ANO5: variants seen among roughly 807,000 people sequenced by gnomAD.
ANO5 encodes anoctamin 5, also known as anoctamin-5.
Under a neutral mutation model 121.0 loss-of-function variants are expected in ANO5, and 109 were observed. The ratio of observed to expected loss-of-function variants is 0.90; its 90% CI spans 0.77 to 1.06. ANO5 has a LOEUF of 1.06. ANO5 is among the 50% of genes least tolerant of loss of function. ANO5 has a pLI of 0.00. For synonymous variants in ANO5, 406 were observed against 359.9 expected (o/e 1.13, Z -1.45); for missense variants, 1,064 against 1,078.5 (o/e 0.99, Z 0.19).
chr11:22,281,095 C>T lies in ANO5; in HGVS notation c.*1330C>T. The stretch of plus-strand genomic sequence containing the variant: ...AAATATGTATAACTTTGTGTATACA[C>T]ACACACACATCTATATATATAATTA... On this transcript the variant is annotated 3_prime_UTR_variant, in exon 22 of 22. Coordinates refer to ENST00000324559, the MANE Select transcript of ANO5 (RefSeq NM_213599.3). 1 of 152,056 alleles carries T rather than the reference C, an allele frequency of 6.6e-6. No homozygotes were observed. The highest frequency in any genetic ancestry group is 1.9e-4 in the East Asian group (1 of 5,182). The allele number at this position is 152,056 out of a possible 1,614,324, so 9.4% of individuals were successfully genotyped here. A position where few individuals can be genotyped will look rare whatever the true frequency, so the allele number is the denominator to read the frequency against.
At chr11:22,227,976 A>G (rs1166366885) in intron 7 of ANO5, among the ~76,000 whole-genome samples, 3 of 152,106 alleles carry the variant, frequency 2.0e-5, no homozygotes, top group Non-Finnish European at 4.4e-5. Flanking sequence ...TGGAAATGAA[A>G]TGTTTTAATT....
At chr11:22,257,501 G>T (rs2133729958) in intron 13 of ANO5, among the ~76,000 whole-genome samples, 179 bp from the exon 14 acceptor site, 1 of 152,118 alleles carries the variant, frequency 6.6e-6, no homozygotes, top group East Asian at 1.9e-4. Context: ...CATCTAGGAG[G>T]CCTGGAGATT....
At chr11:22,239,016 A>G (rs1322718692) in intron 8 of ANO5, among the ~76,000 whole-genome samples, 2 of 152,168 alleles carry the variant, frequency 1.3e-5, no homozygotes, top group Non-Finnish European at 2.9e-5. Context: ...AATATTAGTC[A>G]GTATCTAACA....
chr11:22,272,255 G>T (rs1002504002), intron 18 of ANO5, among the ~76,000 whole-genome samples: 5 of 148,900 alleles, frequency 3.4e-5, no homozygotes, highest in East Asian at 2.0e-4. Context: ...GGAGAATAAA[G>T]ACCTTAACAA....
intron 1 of ANO5, among the ~76,000 whole-genome samples, chr11:22,197,793 C>T (rs1465681918): frequency 6.6e-6 from 1 of 152,122 alleles, no homozygotes; most frequent in African/African-American, 2.4e-5. Context: ...TGATTCTCCA[C>T]AGTGATTGGT....
chr11:22,279,872 TTTTTTTC>T lies in ANO5; in HGVS notation c.*114_*120del. The T allele has an allele frequency of 7.1e-6, 7 of 991,484 alleles. No individual in the cohort carries two copies. Among genetic ancestry groups the T allele is most frequent in the Non-Finnish European group, 1.0e-5 (7 of 680,920 alleles). 61.4% of individuals were successfully genotyped at this position (991,484 alleles called of 1,614,324 possible). ...TGTCAATTTTACCCTTTCTTTTTTT[TTTTTTTC>T]TTTTTTTTTTTAAACTCAAAGTTTT... is the stretch of plus-strand genomic sequence containing the variant. On this transcript the variant is annotated 3_prime_UTR_variant, in exon 22 of 22. Coordinates refer to ENST00000324559, the MANE Select transcript of ANO5 (RefSeq NM_213599.3).
Position 22,272,910 on chromosome 11 carries a change from C to G in ANO5, c.2156C>G (p.Thr719Ser), listed in dbSNP as rs1854676361. The G allele has an allele frequency of 6.2e-7, 1 of 1,614,064 alleles. No individual in the cohort carries two copies. Among genetic ancestry groups the G allele is most frequent in the Admixed American group, 1.7e-5 (1 of 60,004 alleles). Residue 719 changes from threonine (T) to serine (S), a missense_variant, in exon 19 of 22, where the codon ACT becomes AGT. Physicochemically the swap from Thr to Ser is moderately conservative, Grantham distance 58. Transcript: ENST00000324559. The stretch of plus-strand genomic sequence containing the variant: ...AAACTTACCACTCAATACAGGAGAA[C>G]TGTAGCTTCTAAAGCTCATAGCATA... ...AWKLTTQYRR[T>S]VASKAHSIGV... is the part of the protein sequence containing the mutation.
At chr11:22,233,941 T>C (rs1347728706) in intron 7 of ANO5, among the ~76,000 whole-genome samples, 1 of 152,144 alleles carries the variant, frequency 6.6e-6, no homozygotes, top group Non-Finnish European at 1.5e-5. Context: ...CACCGCTTGG[T>C]AGCCATTGCT....
chr11:22,218,332 C>A (rs1852532700), intron 4 of ANO5, 45 bp downstream of exon 4: 1 of 1,605,412 alleles, frequency 6.2e-7, no homozygotes, highest in Admixed American at 1.7e-5. Context: ...TGAATGGCTG[C>A]AGTGGTAGCC....
intron 8 of ANO5, among the ~76,000 whole-genome samples, chr11:22,237,394 T>A (rs776341628): frequency 6.6e-6 from 1 of 152,070 alleles, no homozygotes; most frequent in Non-Finnish European, 1.5e-5. Flanking sequence ...TTTGTTTTGT[T>A]TACTTTTGTT....
chr11:22,240,943 CA>C (rs1310547247), intron 9 of ANO5, among the ~76,000 whole-genome samples: 1 of 151,954 alleles, frequency 6.6e-6, no homozygotes, highest in African/African-American at 2.4e-5. Context: ...TAGTGGAACA[CA>C]GAATGCCTTA....
intron 9 of ANO5, among the ~76,000 whole-genome samples, chr11:22,240,927 A>G (rs923667421): frequency 6.6e-5 from 10 of 151,968 alleles, no homozygotes; most frequent in Admixed American, 3.9e-4. Context: ...TCTATCTGAT[A>G]CTATTTAGTG....
intron 9 of ANO5, among the ~76,000 whole-genome samples, chr11:22,246,321 T>C (rs77483708): frequency 0.011 from 1,648 of 152,266 alleles, 40 homozygotes; most frequent in African/African-American, 0.038. Context: ...TTTTCCACCC[T>C]ACTTTACATT....
intron 1 of ANO5, among the ~76,000 whole-genome samples, chr11:22,195,485 G>C (rs562124100): frequency 2.0e-5 from 3 of 151,874 alleles, no homozygotes; most frequent in African/African-American, 7.3e-5. Flanking sequence ...CTGTAATGCA[G>C]GGGCATCATC....
At chr11:22,244,190 T>G (rs1165208040) in intron 9 of ANO5, among the ~76,000 whole-genome samples, 1 of 152,156 alleles carries the variant, frequency 6.6e-6, no homozygotes, top group Non-Finnish European at 1.5e-5. Flanking sequence ...TATGAAATTC[T>G]TGGTTAGAAT....
chr11:22,211,264 C>G lies in ANO5; in HGVS notation c.88C>G (p.Gln30Glu), dbSNP rs747575706. Residue 30 changes from glutamine to glutamate, a missense_variant and splice_region_variant, in exon 3 of 22, where the codon CAG becomes GAG. Physicochemically the swap from Gln to Glu is conservative, Grantham distance 29 (BLOSUM62 2). Transcript: ENST00000324559. ...HIDYSFQMSE[Q>E]SLSSRETSFL... is the part of the protein sequence containing the mutation. The stretch of plus-strand genomic sequence containing the variant: ...TTATATCTTCCCCTGGTACTGTTAG[C>G]AGAGCCTGAGCAGCAGAGAGACCAG... 16 of 1,611,868 alleles carry G rather than the reference C, an allele frequency of 9.9e-6. No homozygotes were observed. The highest frequency in any genetic ancestry group is 1.4e-5 in the Non-Finnish European group (16 of 1,178,514).
chr11:22,264,863 G>A (rs1330032449), intron 17 of ANO5, among the ~76,000 whole-genome samples: 39 of 152,168 alleles, frequency 2.6e-4, no homozygotes, highest in Admixed American at 2.6e-3. Flanking sequence ...CCTGGACATG[G>A]TTGAAGAATG....
chr11:22,200,515 C>T (rs1851934463), intron 1 of ANO5, among the ~76,000 whole-genome samples: 1 of 152,106 alleles, frequency 6.6e-6, no homozygotes, highest in African/African-American at 2.4e-5. Context: ...TTATAAACTT[C>T]ATAAGCTTTA....
At position 22,280,813 on chromosome 11, in the gene ANO5, C is replaced by T. The variant is rs567873708; in HGVS notation, c.*1048C>T. On this transcript the variant is annotated 3_prime_UTR_variant, in exon 22 of 22. Transcript: ENST00000324559. Reference sequence around the variant, plus strand: ...AATGCTCAGTGCCTTGTTCCAATACCTCTGACACACAAGAAGTCATGTTGT... The same window carrying T: ...AATGCTCAGTGCCTTGTTCCAATACTTCTGACACACAAGAAGTCATGTTGT... 2.7e-4 allele frequency: 41 copies of T among 151,942 alleles called. No individual in the cohort carries two copies. Among genetic ancestry groups the T allele is most frequent in the African/African-American group, 9.4e-4 (39 of 41,514 alleles). The allele number at this position is 151,942 out of a possible 1,614,324, so 9.4% of individuals were successfully genotyped here. A position where few individuals can be genotyped will look rare whatever the true frequency, so the allele number is the denominator to read the frequency against.
Sources: allele counts gnomAD v4.1 joint callset (sites outside exome capture counted in the v4.1 genomes callset), GRCh38; gene constraint gnomAD v4.1.1; transcripts MANE v1.5; gene names NCBI Gene and HGNC (gene_info 2026-07-23, HGNC 2026-07-21).